MYOC: variants seen among roughly 807,000 people sequenced by gnomAD.
MYOC encodes juvenile-onset open-angle glaucoma 1.
Under a neutral mutation model 28.2 loss-of-function variants are expected in MYOC, and 29 were observed. The observed-to-expected ratio is 1.03, with a 90% CI of 0.77 to 1.40. MYOC has a LOEUF of 1.40. Ranked by LOEUF, MYOC falls within the 40% of genes most tolerant of loss-of-function variation. MYOC has a pLI of 0.00. For missense variants in MYOC, 569 were observed against 620.6 expected (o/e 0.92, Z 0.88); for synonymous variants, 240 against 245.6 (o/e 0.98, Z 0.21).
Position 171,652,643 on chromosome 1 carries a change from G to A in MYOC, c.-32C>T, listed in dbSNP as rs962059026. The A allele has an allele frequency of 6.2e-7, 1 of 1,612,912 alleles. No homozygotes were observed. Among genetic ancestry groups the A allele is most frequent in the Admixed American group, 1.7e-5 (1 of 59,978 alleles). ...GGCTTGGTGAGGCTTCCTCTGGAAA[G>A]CTCTGCTGTGCTGAGAGGTGCCTGG... On this transcript the variant is annotated 5_prime_UTR_variant, in exon 1 of 3. Transcript: ENST00000037502.
At chr1:171,642,512 T>TGA (rs1653098957) in intron 1 of MYOC, among the ~76,000 whole-genome samples, 1 of 151,276 alleles carries the variant, frequency 6.6e-6, no homozygotes, top group Admixed American at 6.6e-5. Flanking sequence ...CTCGGGAGGC[T>TGA]GAGGCAGGAA....
At position 171,642,796 on chromosome 1, in the gene MYOC, A is replaced by G. The variant is rs553952456; in HGVS notation, c.605-4074T>C. ...ATTTATCCATCCTTTTAGTCACATC[A>G]TTGGAGCACCTATTGAGTGCAAGGC... is the stretch of plus-strand genomic sequence containing the variant. On this transcript the variant is annotated intron_variant, in intron 1 of 2. Coordinates refer to ENST00000037502, the MANE Select transcript of MYOC (RefSeq NM_000261.2). Among the ~76,000 whole-genome samples the G allele has an allele frequency of 2.7e-5, 4 of 150,650 alleles. No individual in the cohort carries two copies. The South Asian group carries it at 6.4e-4, about 24-fold the overall frequency.
chr1:171,644,277 T>G (rs1198789202), intron 1 of MYOC, among the ~76,000 whole-genome samples: 3 of 151,624 alleles, frequency 2.0e-5, no homozygotes, highest in Non-Finnish European at 4.4e-5. Context: ...TTTTTTTAGG[T>G]TTTTAAAAAA....
rs1653375432 is a variant in MYOC at position 171,652,306 on chromosome 1, C to T, written c.306G>A (p.Leu102=). ...GGGGCCTGGCAGCCTGGTCCAAGGT[C>T]AATTGGTGGAGGAGGCTCTCCAGGG... ...LSSLESLLHQ[L]TLDQAARPQE... is the part of the protein sequence containing the mutation. Residue 102 remains leucine, a synonymous_variant, in exon 1 of 3, where the codon TTG becomes TTA. Coordinates refer to ENST00000037502, the MANE Select transcript of MYOC (RefSeq NM_000261.2). 2 of 1,611,104 alleles carry T rather than the reference C, an allele frequency of 1.2e-6. No individual in the cohort carries two copies. The highest frequency in any genetic ancestry group is 1.3e-5 in the African/African-American group (1 of 74,720).
intron 1 of MYOC, among the ~76,000 whole-genome samples, chr1:171,647,431 G>A (rs1653231060): frequency 6.6e-6 from 1 of 152,202 alleles, no homozygotes; most frequent in African/African-American, 2.4e-5. Context: ...GGCTGAGGCA[G>A]GAGAATTGCT....
At chr1:171,638,770 C>T (rs751217553) in intron 1 of MYOC, 48 bp from the exon 2 acceptor site, 1 of 1,604,144 alleles carries the variant, frequency 6.2e-7, no homozygotes, top group Non-Finnish European at 8.5e-7. Context: ...AAAAATGGCC[C>T]AAGGATTGAC....
chr1:171,636,588 G>A lies in MYOC; in HGVS notation c.852C>T (p.Thr284=), dbSNP rs746216832. ...PKPTYPYTQE[T]TWRIDTVGTD... is the part of the protein sequence containing the mutation. ...TGCCAACTGTGTCGATTCTCCACGT[G>A]GTCTCCTGGGTGTAGGGGTAGGTGG... The change falls in exon 3 of 3, where the codon ACC becomes ACT. Residue 284 remains threonine (T), a synonymous_variant. Transcript: ENST00000037502. 24 of 1,611,482 alleles carry A rather than the reference G, an allele frequency of 1.5e-5. No individual in the cohort carries two copies. The highest frequency in any genetic ancestry group is 2.0e-5 in the Non-Finnish European group (23 of 1,178,320).
chr1:171,641,533 G>A (rs1033720932), intron 1 of MYOC, among the ~76,000 whole-genome samples: 1 of 152,186 alleles, frequency 6.6e-6, no homozygotes, highest in African/African-American at 2.4e-5. Flanking sequence ...GGTGGTCACA[G>A]GGTGTGGGCT....
rs765926032 is a variant in MYOC, at chr1:171,636,389, T to C, written c.1051A>G (p.Thr351Ala). Residue 351 changes from threonine to alanine, a missense_variant, in exon 3 of 3, where the codon ACC (threonine) becomes GCC (alanine). By Grantham distance (58) the Thr-to-Ala change is moderately conservative. Coordinates refer to ENST00000037502, the MANE Select transcript of MYOC (RefSeq NM_000261.2). ...SRTVIRYELN[T>A]ETVKAEKEIP... The stretch of plus-strand genomic sequence containing the variant: ...TCCTTCTCAGCCTTCACTGTCTCGG[T>C]ATTCAGCTCATATCTTATGACAGTT... 1 of 1,614,014 alleles carries C rather than the reference T, an allele frequency of 6.2e-7. No individual in the cohort carries two copies. Among genetic ancestry groups the C allele is most frequent in the Non-Finnish European group, 8.5e-7 (1 of 1,180,002 alleles).
chr1:171,635,619 C>A lies in MYOC; in HGVS notation c.*306G>T. On this transcript the variant is annotated 3_prime_UTR_variant, in exon 3 of 3. Coordinates refer to ENST00000037502, the MANE Select transcript of MYOC (RefSeq NM_000261.2). ...TGTAACATGCAAGAGCAATGGTTTT[C>A]AGGAAGAAACTATTATGCCTTACAG... The A allele has an allele frequency of 2.1e-6, 1 of 473,082 alleles. No homozygotes were observed. The highest frequency in any genetic ancestry group is 2.4e-5 in the South Asian group (1 of 41,988). The allele number at this position is 473,082 out of a possible 1,614,324, so 29.3% of individuals were successfully genotyped here.
intron 1 of MYOC, among the ~76,000 whole-genome samples, chr1:171,648,524 CAGG>C (rs1306150285): frequency 6.6e-6 from 1 of 151,972 alleles, no homozygotes; most frequent in Non-Finnish European, 1.5e-5. Context: ...CTCTGTTCAA[CAGG>C]AGACCAGTCC....
At chr1:171,649,808 AG>A (rs1323561101) in intron 1 of MYOC, among the ~76,000 whole-genome samples, 1 of 152,178 alleles carries the variant, frequency 6.6e-6, no homozygotes, top group Non-Finnish European at 1.5e-5. Context: ...AAAAAAAGAA[AG>A]AAAGTCACTG....
chr1:171,650,122 C>G (rs1013143635), intron 1 of MYOC, among the ~76,000 whole-genome samples: 16 of 151,958 alleles, frequency 1.1e-4, no homozygotes, highest in Non-Finnish European at 1.6e-4. Context: ...TTAGGAAACA[C>G]ATCTAATAAA....
intron 1 of MYOC, among the ~76,000 whole-genome samples, chr1:171,647,434 G>C (rs1653231151): frequency 6.6e-6 from 1 of 152,192 alleles, no homozygotes; most frequent in Non-Finnish European, 1.5e-5. Flanking sequence ...TGAGGCAGGA[G>C]AATTGCTTGA....
intron 2 of MYOC, among the ~76,000 whole-genome samples, chr1:171,637,200 C>T (rs1268030667): frequency 6.6e-6 from 1 of 151,984 alleles, no homozygotes; most frequent in Non-Finnish European, 1.5e-5. Context: ...GGGCAGGGAC[C>T]CATGGGTGTT....
At chr1:171,640,313 G>T (rs1234402913) in intron 1 of MYOC, among the ~76,000 whole-genome samples, 2 of 152,128 alleles carry the variant, frequency 1.3e-5, no homozygotes, top group African/African-American at 4.8e-5. Flanking sequence ...CGGGTGGGCA[G>T]CATTGGTTAG....
intron 1 of MYOC, among the ~76,000 whole-genome samples, chr1:171,640,925 A>G (rs1241420599): frequency 6.6e-6 from 1 of 152,230 alleles, no homozygotes; most frequent in Non-Finnish European, 1.5e-5. Flanking sequence ...TAGGTGAGGC[A>G]CAGACGATTT....
chr1:171,644,876 C>G (rs1469164191), intron 1 of MYOC, among the ~76,000 whole-genome samples: 1 of 152,142 alleles, frequency 6.6e-6, no homozygotes, highest in Non-Finnish European at 1.5e-5. Flanking sequence ...AACCGAGGTT[C>G]AGAGAGGTTA....
intron 1 of MYOC, among the ~76,000 whole-genome samples, chr1:171,639,519 T>C (rs1206989845): frequency 1.3e-5 from 2 of 151,874 alleles, no homozygotes; most frequent in Non-Finnish European, 2.9e-5. Context: ...GTGGTAAGCA[T>C]CTGCAGTCCT....
Sources: gnomAD v4.1 joint callset for allele counts (sites outside exome capture counted in the v4.1 genomes callset) on GRCh38, gnomAD v4.1.1 for gene constraint, MANE v1.5 for transcripts, NCBI Gene and HGNC (gene_info 2026-07-23, HGNC 2026-07-21) for gene names.